ACSM2B: variants seen among roughly 807,000 people sequenced by gnomAD.
ACSM2B encodes acyl-coenzyme A synthetase ACSM2B, mitochondrial.
In ACSM2B, 58 loss-of-function variants were observed where a neutral mutation model predicts 78.6. The ratio of observed to expected loss-of-function variants is 0.74; its 90% CI spans 0.60 to 0.92. ACSM2B has a LOEUF of 0.92. Among genes scored for constraint, ACSM2B ranks in the 40% least tolerant of loss-of-function variants. The probability of loss-of-function intolerance (pLI) is 0.00; values close to 1 mark genes in which losing one functional copy is unlikely to be tolerated. For missense variants in ACSM2B, 688 were observed against 711.2 expected (o/e 0.97, Z 0.37); for synonymous variants, 257 against 256.8 (o/e 1.00, Z -0.01).
Position 20,566,682 on chromosome 16 carries a change from G to C in ACSM2B, c.-8-1829C>G, listed in dbSNP as rs1472929316. ...TATGTATATATAGTATATACATATA[G>C]TATATACTATATATAGTATATATAT... On this transcript the variant is annotated intron_variant, in intron 1 of 13. Transcript: ENST00000329697. Among the ~76,000 whole-genome samples, 12 of 4,012 alleles carry C rather than the reference G, an allele frequency of 3.0e-3. 4 individuals are homozygous for C. The highest frequency in any genetic ancestry group is 7.2e-3 in the African/African-American group (12 of 1,670). 2.6% of individuals were successfully genotyped at this position (4,012 alleles called of 152,430 possible).
At chr16:20,571,232 A>G (rs1009857843) in intron 1 of ACSM2B, among the ~76,000 whole-genome samples, 4 of 151,926 alleles carry the variant, frequency 2.6e-5, no homozygotes, top group African/African-American at 9.7e-5. Context: ...TCTTAGTACC[A>G]TCTTTGCTGT....
intron 12 of ACSM2B, 54 bp from the exon 13 acceptor site, chr16:20,540,827 C>A: frequency 6.3e-7 from 1 of 1,585,408 alleles, no homozygotes; most frequent in Non-Finnish European, 8.6e-7. Context: ...TAGTCATCTC[C>A]TGGAATAATG....
intron 12 of ACSM2B, chr16:20,540,991 G>T: frequency 2.0e-6 from 1 of 503,584 alleles, no homozygotes; most frequent in Non-Finnish European, 3.3e-6. Flanking sequence ...AATAGATTGA[G>T]ACCAGGCTCA....
intron 3 of ACSM2B, among the ~76,000 whole-genome samples, chr16:20,555,940 G>A (rs528043924): frequency 6.6e-6 from 1 of 152,232 alleles, no homozygotes; most frequent in South Asian, 2.1e-4. Context: ...TTTCTTAGAT[G>A]AGAGTGCCTT....
intron 1 of ACSM2B, chr16:20,575,725 C>T (rs2016231123): frequency 6.8e-6 from 1 of 148,060 alleles, no homozygotes; most frequent in African/African-American, 2.4e-5. Flanking sequence ...CCAGGATCAA[C>T]ACTTTGTATC....
At chr16:20,544,016 T>C (rs776613766) in intron 10 of ACSM2B, among the ~76,000 whole-genome samples, 8 of 152,220 alleles carry the variant, frequency 5.3e-5, no homozygotes, top group African/African-American at 1.9e-4. Context: ...GGCTACTGGA[T>C]TGACTTTCTC....
intron 1 of ACSM2B, among the ~76,000 whole-genome samples, chr16:20,569,377 T>C (rs931826498): frequency 2.6e-5 from 4 of 151,978 alleles, no homozygotes; most frequent in Non-Finnish European, 5.9e-5. Context: ...TGACTGTAAA[T>C]ATTTGGGTTT....
intron 4 of ACSM2B, among the ~76,000 whole-genome samples, chr16:20,554,973 C>A (rs747568499): frequency 6.6e-6 from 1 of 152,234 alleles, no homozygotes; most frequent in African/African-American, 2.4e-5. Flanking sequence ...CCCAGGACAA[C>A]CCTGAACCTG....
At chr16:20,550,689 G>A (rs558939334) in intron 6 of ACSM2B, among the ~76,000 whole-genome samples, 1 of 152,230 alleles carries the variant, frequency 6.6e-6, no homozygotes, top group East Asian at 1.9e-4. Flanking sequence ...CCAAATAGAT[G>A]TCTGGATGGG....
chr16:20,546,308 T>C, intron 9 of ACSM2B, 86 bp downstream of exon 9: 1 of 1,512,262 alleles, frequency 6.6e-7, no homozygotes, highest in South Asian at 1.4e-5. Context: ...TTCTATTATT[T>C]TTGACTCAAT....
At chr16:20,538,779 C>T (rs1215690410) in intron 13 of ACSM2B, among the ~76,000 whole-genome samples, 1 of 152,126 alleles carries the variant, frequency 6.6e-6, no homozygotes. Context: ...CTGAGGAACG[C>T]AGAGGTTATC....
intron 10 of ACSM2B, among the ~76,000 whole-genome samples, chr16:20,543,644 C>T (rs2015061464): frequency 6.6e-6 from 1 of 152,176 alleles, no homozygotes; most frequent in African/African-American, 2.4e-5. Flanking sequence ...CTTTTCTTAG[C>T]TTCTTTGTAA....
intron 1 of ACSM2B, among the ~76,000 whole-genome samples, chr16:20,568,116 A>T (rs866396374): frequency 2.7e-4 from 38 of 143,266 alleles, no homozygotes; most frequent in African/African-American, 9.3e-4. Flanking sequence ...ATATATACAT[A>T]TTATATATAT....
chr16:20,570,712 G>C (rs2016068792), intron 1 of ACSM2B, among the ~76,000 whole-genome samples: 1 of 151,182 alleles, frequency 6.6e-6, no homozygotes, highest in South Asian at 2.1e-4. Flanking sequence ...CGTTGTTGTT[G>C]TTGTTGATAA....
rs753006019 is a variant in ACSM2B at position 20,559,410 on chromosome 16, A to G, written c.215T>C (p.Val72Ala). 6 of 1,612,504 alleles carry G rather than the reference A, an allele frequency of 3.7e-6. No individual in the cohort carries two copies. The South Asian group carries it at 6.6e-5, about 18-fold the overall frequency. Residue 72 changes from valine (V) to alanine (A), a missense_variant, in exon 3 of 14, where the codon GTG (valine) becomes GCG (alanine). Transcript: ENST00000329697. ...CATTAATTCCTTCCCCTTCCCATTC[A>G]CCCACCACAGGGCTGGGCTTGGGAG... Reference protein sequence around the residue: ...KRLPSPALWWVNGKGKELMWN... With the variant: ...KRLPSPALWWANGKGKELMWN...
At chr16:20,547,937 C>A (rs1351684996) in intron 8 of ACSM2B, 125 bp downstream of exon 8, 1 of 1,539,782 alleles carries the variant, frequency 6.5e-7, no homozygotes, top group Admixed American at 2.0e-5. Flanking sequence ...TGTCCCTTCA[C>A]AGAGGCTCAA....
At chr16:20,538,857 C>T (rs536225109) in intron 13 of ACSM2B, among the ~76,000 whole-genome samples, 24 of 152,286 alleles carry the variant, frequency 1.6e-4, no homozygotes, top group African/African-American at 5.3e-4. Flanking sequence ...TGCTGCCTCA[C>T]TCTCAGAGGC....
chr16:20,540,446 T>A (rs1047270061), intron 13 of ACSM2B, among the ~76,000 whole-genome samples: 1 of 152,164 alleles, frequency 6.6e-6, no homozygotes, highest in Non-Finnish European at 1.5e-5. Context: ...TTTCACCATT[T>A]TGGCCAGGCT....
Position 20,540,737 on chromosome 16 carries a change from G to A in ACSM2B, c.1546C>T (p.Leu516=), listed in dbSNP as rs778921243. Residue 516 remains leucine, a synonymous_variant, in exon 13 of 14, where the codon CTA becomes TTA. Transcript: ENST00000329697. The part of the protein sequence containing the change: ...KAFVILASQF[L]SHDPEQLTKE... ...GTGAGCTGTTCTGGGTCATGGGATA[G>A]GAACTGCGAGGCCAGGATCACAAAT... 45 of 1,614,104 alleles carry A rather than the reference G, an allele frequency of 2.8e-5. 2 individuals are homozygous for A. The South Asian group carries it at 4.8e-4, about 17-fold the overall frequency.
Sources: allele counts gnomAD v4.1 joint callset (sites outside exome capture counted in the v4.1 genomes callset), GRCh38; gene constraint gnomAD v4.1.1; transcripts MANE v1.5; gene names NCBI Gene and HGNC (gene_info 2026-07-23, HGNC 2026-07-21).